The following SMAD1 variants were observed in gnomAD, a reference collection of about 807,000 sequenced individuals.
SMAD1 encodes the protein MAD, mothers against decapentaplegic homolog 1.
Under a neutral mutation model 41.6 loss-of-function variants are expected in SMAD1, and 6 were observed. The ratio of observed to expected loss-of-function variants is 0.14; its 90% confidence interval spans 0.08 to 0.28. The LOEUF (loss-of-function observed/expected upper bound fraction) is 0.28. SMAD1 is among the 10% of genes least tolerant of loss of function. SMAD1 has a pLI of 1.00. For missense variants in SMAD1, 379 were observed against 582.6 expected (o/e 0.65, Z 3.60); for synonymous variants, 206 against 203.2 (o/e 1.01, Z -0.12).
chr4:145,488,020 T>C (rs1728569176), intron 1 of SMAD1, among the ~76,000 whole-genome samples: 1 of 152,182 alleles, frequency 6.6e-6, no homozygotes, highest in Non-Finnish European at 1.5e-5. Context: ...GAGAAGACTC[T>C]CTCTTGAAAA....
intron 2 of SMAD1, among the ~76,000 whole-genome samples, chr4:145,530,397 TAGGTTATGG>T (rs1384807033): frequency 3.3e-5 from 5 of 152,150 alleles, no homozygotes; most frequent in African/African-American, 4.8e-5. Context: ...GAATCTGAAC[TAGGTTATGG>T]AGTCATAGCA....
At chr4:145,518,364 C>T (rs1287044730) in intron 2 of SMAD1, among the ~76,000 whole-genome samples, 1 of 125,038 alleles carries the variant, frequency 8.0e-6, no homozygotes, top group East Asian at 2.0e-4. Flanking sequence ...TGGGGGGCGC[C>T]TGTAATCCCA....
intron 4 of SMAD1, chr4:145,545,311 T>C (rs2126529781): frequency 6.6e-6 from 1 of 152,320 alleles, no homozygotes; most frequent in East Asian, 1.9e-4. Context: ...ACCTCTGACC[T>C]AGATGAATAG....
intron 1 of SMAD1, among the ~76,000 whole-genome samples, chr4:145,510,056 A>G (rs1259402703): frequency 1.3e-5 from 2 of 151,968 alleles, no homozygotes; most frequent in African/African-American, 2.4e-5. Context: ...GTAGATTATC[A>G]CAATGTAGCT....
chr4:145,547,356 C>G (rs989841937), intron 5 of SMAD1, among the ~76,000 whole-genome samples: 2 of 152,126 alleles, frequency 1.3e-5, no homozygotes, highest in Non-Finnish European at 2.9e-5. Context: ...CGATAGAACC[C>G]TGCAGTGATT....
At chr4:145,529,745 G>A (rs1232973437) in intron 2 of SMAD1, among the ~76,000 whole-genome samples, 1 of 152,190 alleles carries the variant, frequency 6.6e-6, no homozygotes, top group African/African-American at 2.4e-5. Flanking sequence ...GACTTAAGAT[G>A]AGAAAAATTG....
At chr4:145,511,210 A>T (rs955934707) in intron 1 of SMAD1, among the ~76,000 whole-genome samples, 3 of 152,118 alleles carry the variant, frequency 2.0e-5, no homozygotes, top group Non-Finnish European at 4.4e-5. Context: ...ATTATATCTA[A>T]ATCTTACTAT....
chr4:145,552,271 A>G (rs866080591), intron 5 of SMAD1, among the ~76,000 whole-genome samples: 1 of 152,214 alleles, frequency 6.6e-6, no homozygotes, highest in Non-Finnish European at 1.5e-5. Flanking sequence ...TCTAGCAGCT[A>G]TTTAATTATT....
chr4:145,511,664 C>T (rs911440835), intron 1 of SMAD1, among the ~76,000 whole-genome samples: 30 of 152,186 alleles, frequency 2.0e-4, no homozygotes, highest in African/African-American at 7.0e-4. Flanking sequence ...ACTTACTGTA[C>T]TAATAGTAAA....
chr4:145,536,861 A>C (rs552520840), intron 2 of SMAD1, among the ~76,000 whole-genome samples: 1 of 152,312 alleles, frequency 6.6e-6, no homozygotes, highest in South Asian at 2.1e-4. Context: ...ATTAAACCTC[A>C]AACAGGCAGA....
At chr4:145,495,816 C>T (rs1168037545) in intron 1 of SMAD1, among the ~76,000 whole-genome samples, 1 of 147,552 alleles carries the variant, frequency 6.8e-6, no homozygotes, top group Non-Finnish European at 1.5e-5. Context: ...GGCTATGTTG[C>T]CCAGGCTGAT....
At chr4:145,497,842 G>A (rs1729179519) in intron 1 of SMAD1, 1 of 152,140 alleles carries the variant, frequency 6.6e-6, no homozygotes, top group Non-Finnish European at 1.5e-5. Context: ...TAGCTCTTAG[G>A]TGGAGGGAGC....
intron 1 of SMAD1, among the ~76,000 whole-genome samples, chr4:145,489,201 C>T (rs1308633416): frequency 6.6e-6 from 1 of 152,210 alleles, no homozygotes; most frequent in African/African-American, 2.4e-5. Context: ...CAGTGAGCAG[C>T]CCTGCCTGAC....
chr4:145,491,785 G>T (rs1302563618), intron 1 of SMAD1, among the ~76,000 whole-genome samples: 1 of 152,120 alleles, frequency 6.6e-6, no homozygotes, highest in Non-Finnish European at 1.5e-5. Flanking sequence ...CAGTCACCTG[G>T]CGTAGATGAT....
intron 2 of SMAD1, among the ~76,000 whole-genome samples, chr4:145,535,003 GT>G (rs889634110): frequency 1.3e-5 from 2 of 151,548 alleles, no homozygotes; most frequent in Non-Finnish European, 2.9e-5. Context: ...CTAGTATGTT[GT>G]TTTTTTTAAT....
rs535199231 is a variant in SMAD1, at chr4:145,539,812, C to G, written c.409C>G (p.Pro137Ala). The change falls in exon 3 of 7, where the codon CCT (proline) becomes GCT (alanine). Residue 137 changes from proline (P) to alanine (A), a missense_variant. By Grantham distance (27) the Pro-to-Ala change is conservative. Coordinates refer to ENST00000302085, the MANE Select transcript of SMAD1 (RefSeq NM_005900.3). Reference sequence around the variant, plus strand: ...TCCCTTCCTTTTTCTAGTACTTCCTCCTGTGCTGGTTCCAAGACACAGCGA... The same window carrying G: ...TCCCTTCCTTTTTCTAGTACTTCCTGCTGTGCTGGTTCCAAGACACAGCGA... ...YKRVESPVLP[P>A]VLVPRHSEYN... 58 of 1,613,780 alleles carry G rather than the reference C, an allele frequency of 3.6e-5. No homozygotes were observed. The highest frequency in any genetic ancestry group is 5.0e-5 in the Admixed American group (3 of 60,006).
intron 1 of SMAD1, among the ~76,000 whole-genome samples, chr4:145,492,163 CTAAA>C (rs1243870268): frequency 2.6e-5 from 4 of 152,148 alleles, no homozygotes; most frequent in Admixed American, 6.5e-5. Context: ...ACTTTTGTGA[CTAAA>C]TGTGTGTGGG....
chr4:145,530,659 A>G (rs1731269994), intron 2 of SMAD1, among the ~76,000 whole-genome samples: 1 of 151,820 alleles, frequency 6.6e-6, no homozygotes, highest in Non-Finnish European at 1.5e-5. Context: ...TACTTGAGTA[A>G]CTATACTCCC....
At chr4:145,550,182 C>T (rs567946650) in intron 5 of SMAD1, among the ~76,000 whole-genome samples, 6 of 151,668 alleles carry the variant, frequency 4.0e-5, no homozygotes, top group African/African-American at 9.7e-5. Context: ...ACAGTATTCT[C>T]GGGATAGATT....
Sources: gnomAD v4.1 joint callset for allele counts (sites outside exome capture counted in the v4.1 genomes callset) on GRCh38, gnomAD v4.1.1 for gene constraint, MANE v1.5 for transcripts, NCBI Gene and HGNC (gene_info 2026-07-23, HGNC 2026-07-21) for gene names.